Variants in PRPF3 observed in about 807,000 individuals in gnomAD.
PRPF3 encodes the protein pre-mRNA processing factor 3.
PRPF3 carries 3 observed loss-of-function variants against 89.2 expected under a neutral mutation model. The ratio of observed to expected loss-of-function variants is 0.03; its 90% CI spans 0.02 to 0.09. PRPF3 has a LOEUF of 0.09. Among genes scored for constraint, PRPF3 ranks in the 10% least tolerant of loss-of-function variants. The pLI is 1.00. For synonymous variants in PRPF3, 270 were observed against 289.1 expected (o/e 0.93, Z 0.67); for missense variants, 463 against 828.8 (o/e 0.56, Z 5.42).
At chr1:150,349,621 G>A (rs1477410216) in intron 15 of PRPF3, among the ~76,000 whole-genome samples, 1 of 152,140 alleles carries the variant, frequency 6.6e-6, no homozygotes, top group East Asian at 1.9e-4. Flanking sequence ...CTGCTTATTA[G>A]CTGTGCAATC....
At chr1:150,346,326 C>A in intron 13 of PRPF3, 82 bp from the exon 14 acceptor site, 1 of 1,424,582 alleles carries the variant, frequency 7.0e-7, no homozygotes, top group South Asian at 1.2e-5. Flanking sequence ...CTTCAACTAC[C>A]ACATTAATGT....
At chr1:150,345,351 AT>A (rs1430854742) in intron 12 of PRPF3, among the ~76,000 whole-genome samples, 1 of 151,566 alleles carries the variant, frequency 6.6e-6, no homozygotes, top group African/African-American at 2.4e-5. Context: ...TATTTTATTT[AT>A]TTATTTATTT....
chr1:150,334,367 TTTGTTG>T (rs202051103), intron 6 of PRPF3, among the ~76,000 whole-genome samples: 1 of 151,962 alleles, frequency 6.6e-6, no homozygotes, highest in Admixed American at 6.6e-5. Context: ...TATTGTCCTT[TTTGTTG>T]TTGTTGTTGT....
At chr1:150,345,250 T>G (rs909697886) in intron 12 of PRPF3, among the ~76,000 whole-genome samples, 3 of 152,134 alleles carry the variant, frequency 2.0e-5, no homozygotes, top group Admixed American at 1.3e-4. Context: ...CTCTGATCCC[T>G]TAGAACCACT....
chr1:150,348,049 T>C (rs1658471200), intron 14 of PRPF3, among the ~76,000 whole-genome samples: 2 of 152,174 alleles, frequency 1.3e-5, no homozygotes, highest in Admixed American at 1.3e-4. Context: ...CCCATTAGTG[T>C]TCATTCTTCT....
intron 6 of PRPF3, among the ~76,000 whole-genome samples, chr1:150,334,181 T>C (rs1281059816): frequency 6.6e-6 from 1 of 152,018 alleles, no homozygotes. Flanking sequence ...AGAGCATGCG[T>C]GTAGTTCCAG....
chr1:150,348,460 ATT>A (rs1185909509), intron 14 of PRPF3, among the ~76,000 whole-genome samples: 2 of 48,462 alleles, frequency 4.1e-5, no homozygotes, highest in Non-Finnish European at 7.0e-5. Context: ...CTACACGTGC[ATT>A]TTTTTTTTTT....
At chr1:150,344,691 A>G in intron 12 of PRPF3, 144 bp downstream of exon 12, 1 of 890,332 alleles carries the variant, frequency 1.1e-6, no homozygotes, top group Non-Finnish European at 1.8e-6. Flanking sequence ...ATCAAGAGCT[A>G]GTAAATCTTG....
intron 4 of PRPF3, among the ~76,000 whole-genome samples, chr1:150,331,468 G>A (rs781791572): frequency 5.9e-4 from 90 of 151,684 alleles, no homozygotes; most frequent in Non-Finnish European, 1.2e-3. Flanking sequence ...GGATTCAAGC[G>A]CTTCTCCTGC....
At position 150,338,495 on chromosome 1, in the gene PRPF3, G is replaced by GTATTTTTTTTTTTTTTTTTTTTT. The variant is rs1467846345; in HGVS notation, c.1202+170_1202+171insATTTTTTTTTTTTTTTTTTTTTT. Among the ~76,000 whole-genome samples the GTATTTTTTTTTTTTTTTTTTTTT allele has an allele frequency of 1.7e-4, 6 of 35,760 alleles. 3 individuals carry two copies. The highest frequency in any genetic ancestry group is 1.8e-4 in the African/African-American group (2 of 10,872). The allele number at this position is 35,760 out of a possible 152,430, so 23.5% of individuals were successfully genotyped here. A position where few individuals can be genotyped will look rare whatever the true frequency, so the allele number is the denominator to read the frequency against. ...GATAAGTAACTGTACACAAGGTCCT[G>GTATTTTTTTTTTTTTTTTTTTTT]TTATTTTTTTTTTTTTTTTTTTTGA... On this transcript the variant is annotated intron_variant, in intron 8 of 15. Coordinates refer to ENST00000324862, the MANE Select transcript of PRPF3 (RefSeq NM_004698.4).
At position 150,353,221 on chromosome 1, in the gene PRPF3, C is replaced by A. The variant is rs1013711074; in HGVS notation, c.*242C>A. On this transcript the variant is annotated 3_prime_UTR_variant, in exon 16 of 16. Transcript: ENST00000324862. ...CTTGGTGTGATATTTTTCACACATT[C>A]GTAAGTATTAGAGTTTGGGTCTACA... is the stretch of plus-strand genomic sequence containing the variant. 1.5e-5 allele frequency: 8 copies of A among 524,476 alleles called. No homozygotes were observed. The East Asian group carries it at 1.8e-4, about 12-fold the overall frequency. The allele number at this position is 524,476 out of a possible 1,614,324, so 32.5% of individuals were successfully genotyped here. A position where few individuals can be genotyped will look rare whatever the true frequency, so the allele number is the denominator to read the frequency against.
intron 2 of PRPF3, 67 bp downstream of exon 2, chr1:150,325,154 T>C: frequency 6.4e-7 from 1 of 1,566,818 alleles, no homozygotes; most frequent in Non-Finnish European, 8.7e-7. Flanking sequence ...TTGAACTTCC[T>C]CAAAATTCTC....
chr1:150,335,350 G>T, intron 7 of PRPF3, 109 bp downstream of exon 7: 1 of 1,316,168 alleles, frequency 7.6e-7, no homozygotes, highest in Non-Finnish European at 1.1e-6. Context: ...GTCATTTAAA[G>T]CAGCAGTCCT....
In PRPF3 at chr1:150,344,656, C is replaced by T. The variant is rs587634151; in HGVS notation, c.1640+109C>T. ...AAAGCATACCTAACACCAGTTCCTA[C>T]TCTCTTTTAATGACCCTAGTGTGGA... is the stretch of plus-strand genomic sequence containing the variant. On this transcript the variant is annotated intron_variant, in intron 12 of 15. Transcript: ENST00000324862. 156 of 1,188,590 alleles carry T rather than the reference C, an allele frequency of 1.3e-4. 1 individual carries two copies. The highest frequency in any genetic ancestry group is 3.8e-4 in the Middle Eastern group (2 of 5,266). The allele number at this position is 1,188,590 out of a possible 1,614,324, so 73.6% of individuals were successfully genotyped here. A position where few individuals can be genotyped will look rare whatever the true frequency, so the allele number is the denominator to read the frequency against.
At chr1:150,333,237 A>G in intron 6 of PRPF3, 38 bp downstream of exon 6, 1 of 1,598,384 alleles carries the variant, frequency 6.3e-7, no homozygotes, top group Non-Finnish European at 8.6e-7. Flanking sequence ...TTCATTTCTG[A>G]AGTTTGAGAA....
intron 4 of PRPF3, chr1:150,329,667 A>G (rs1284267408): frequency 6.6e-6 from 1 of 152,072 alleles, no homozygotes; most frequent in Non-Finnish European, 1.5e-5. Flanking sequence ...TGTTTCTTTT[A>G]CCATTTAATA....
chr1:150,345,144 T>G (rs1460072817), intron 12 of PRPF3, among the ~76,000 whole-genome samples: 1 of 152,040 alleles, frequency 6.6e-6, no homozygotes, highest in African/African-American at 2.4e-5. Flanking sequence ...ATTATAAAAG[T>G]GGTACATTAT....
At chr1:150,344,929 A>G (rs1572268988) in intron 12 of PRPF3, among the ~76,000 whole-genome samples, 1 of 149,736 alleles carries the variant, frequency 6.7e-6, no homozygotes, top group African/African-American at 2.5e-5. Flanking sequence ...TCCAACATCC[A>G]TGGAAGCATT....
intron 3 of PRPF3, 93 bp downstream of exon 3, chr1:150,325,974 T>G (rs1202002943): frequency 1.3e-6 from 2 of 1,484,452 alleles, no homozygotes; most frequent in East Asian, 4.7e-5. Context: ...ATATCCTCTA[T>G]TTAGAGCAGC....
Sources: gnomAD v4.1 joint callset for allele counts (sites outside exome capture counted in the v4.1 genomes callset) on GRCh38, gnomAD v4.1.1 for gene constraint, MANE v1.5 for transcripts, NCBI Gene and HGNC (gene_info 2026-07-23, HGNC 2026-07-21) for gene names.